ST8SIA6: variants seen among roughly 807,000 people sequenced by gnomAD.
The protein encoded by ST8SIA6 is ST8 alpha-N-acetyl-neuraminide alpha-2,8-sialyltransferase 6, also known as alpha-2,8-sialyltransferase 8F.
ST8SIA6 carries 39 observed loss-of-function variants against 33.6 expected under a neutral mutation model. The observed-to-expected ratio is 1.16, with a 90% CI of 0.90 to 1.52. The LOEUF is 1.52. Ranked by LOEUF, ST8SIA6 falls within the 40% of genes most tolerant of loss-of-function variation. The pLI, the probability that ST8SIA6 is intolerant of heterozygous loss-of-function variation, is 0.00. For missense variants in ST8SIA6, 441 were observed against 443.8 expected (o/e 0.99, Z 0.06); for synonymous variants, 172 against 167.2 (o/e 1.03, Z -0.22).
rs138991804 is a variant in ST8SIA6 at position 17,329,109 on chromosome 10, A to G, written c.523-1983T>C. Among the ~76,000 whole-genome samples, 241 of 152,278 alleles carry G rather than the reference A, an allele frequency of 1.6e-3. 2 individuals are homozygous for G. The highest frequency in any genetic ancestry group is 5.5e-3 in the African/African-American group (229 of 41,548). On this transcript the variant is annotated intron_variant, in intron 5 of 7. Coordinates refer to ENST00000377602, the MANE Select transcript of ST8SIA6 (RefSeq NM_001004470.3). ...TAATGCTGGCTCTGGGAGCTGCCCA[A>G]CTAGCAAAGAAACTCGGTTTCAGTA...
intron 5 of ST8SIA6, among the ~76,000 whole-genome samples, chr10:17,331,108 C>T (rs1453968951): frequency 6.6e-6 from 1 of 152,112 alleles, no homozygotes; most frequent in African/African-American, 2.4e-5. Flanking sequence ...GAAAAATGGC[C>T]GTCTTCACAA....
intron 4 of ST8SIA6, among the ~76,000 whole-genome samples, chr10:17,341,900 CAA>C (rs71393004): frequency 1.6e-3 from 114 of 73,154 alleles, no homozygotes; most frequent in Middle Eastern, 0.01. Flanking sequence ...GGCTCCATCT[CAA>C]AAAAAAAAAA....
Position 17,331,636 on chromosome 10 carries a change from G to A in ST8SIA6, c.378-84C>T. 25 of 1,364,052 alleles carry A rather than the reference G, an allele frequency of 1.8e-5. 1 individual carries two copies. In the South Asian group the frequency reaches 4.5e-4, roughly 24 times the overall value. 84.5% of individuals were successfully genotyped at this position (1,364,052 alleles called of 1,614,324 possible). On this transcript the variant is annotated intron_variant, in intron 4 of 7. Coordinates refer to ENST00000377602, the MANE Select transcript of ST8SIA6 (RefSeq NM_001004470.3). ...AGACCACGATGGACAATGCCGAAGA[G>A]GATTTTGCCAAACTGACTTTCAAAA...
rs1847814578 is a variant in ST8SIA6 at position 17,317,510 on chromosome 10, G to A, written c.*3368C>T. 6.6e-6 allele frequency among the ~76,000 whole-genome samples: 1 copy of A among 152,114 alleles called. No homozygotes were observed. Among genetic ancestry groups the A allele is most frequent in the African/African-American group, 2.4e-5 (1 of 41,442 alleles). ...CTTCAATTTTTAATGGCATAATAATGTGTTTCCATGTCATGTTAGATAAAT... is the reference window on the plus strand; with the variant it reads ...CTTCAATTTTTAATGGCATAATAATATGTTTCCATGTCATGTTAGATAAAT... On this transcript the variant is annotated 3_prime_UTR_variant, in exon 8 of 8. Coordinates refer to ENST00000377602, the MANE Select transcript of ST8SIA6 (RefSeq NM_001004470.3).
At position 17,319,677 on chromosome 10, in the gene ST8SIA6, GA is replaced by G. The variant is rs3217538; in HGVS notation, c.*1200del. On this transcript the variant is annotated 3_prime_UTR_variant, in exon 8 of 8. Transcript: ENST00000377602. ...ATTTTTAAGATAGGATATTATATGG[GA>G]AAAAAAAGTAAGCTCTAAATGTCCT... Among the ~76,000 whole-genome samples, 562 of 151,344 alleles carry G rather than the reference GA, an allele frequency of 3.7e-3. 1 individual carries two copies. The highest frequency in any genetic ancestry group is 0.013 in the African/African-American group (535 of 41,256).
At chr10:17,411,991 C>A (rs1386369416) in intron 2 of ST8SIA6, among the ~76,000 whole-genome samples, 5 of 152,044 alleles carry the variant, frequency 3.3e-5, no homozygotes, top group Non-Finnish European at 7.4e-5. Flanking sequence ...CCATGGCCAG[C>A]CTGTTCAAAT....
intron 2 of ST8SIA6, among the ~76,000 whole-genome samples, chr10:17,435,745 T>C (rs1274081147): frequency 1.3e-5 from 2 of 152,056 alleles, no homozygotes; most frequent in Non-Finnish European, 2.9e-5. Flanking sequence ...ACAAGAAATC[T>C]GAATATTAAT....
chr10:17,409,279 T>C (rs1851369233), intron 2 of ST8SIA6: 1 of 152,684 alleles, frequency 6.5e-6, no homozygotes, highest in East Asian at 1.9e-4. Context: ...TGCAAGTCTA[T>C]AGCTCAACTT....
chr10:17,370,276 C>A (rs1374712164), intron 3 of ST8SIA6, among the ~76,000 whole-genome samples: 3 of 152,212 alleles, frequency 2.0e-5, no homozygotes, highest in Non-Finnish European at 2.9e-5. Flanking sequence ...AGCCACCACG[C>A]CCTGCCTGAC....
chr10:17,411,114 T>C (rs1455517438), intron 2 of ST8SIA6, among the ~76,000 whole-genome samples: 1 of 152,076 alleles, frequency 6.6e-6, no homozygotes, highest in Non-Finnish European at 1.5e-5. Context: ...ATGCAATCAA[T>C]CACATGTCAT....
chr10:17,437,529 C>T (rs1419511244), intron 2 of ST8SIA6, among the ~76,000 whole-genome samples: 2 of 151,974 alleles, frequency 1.3e-5, no homozygotes, highest in South Asian at 2.1e-4. Flanking sequence ...GGGTCTGAAG[C>T]AGACTCACCT....
intron 4 of ST8SIA6, among the ~76,000 whole-genome samples, chr10:17,355,583 T>G (rs1849165754): frequency 6.6e-6 from 1 of 152,212 alleles, no homozygotes; most frequent in Non-Finnish European, 1.5e-5. Flanking sequence ...TAGTTACTTG[T>G]CTACAACCAG....
chr10:17,440,288 C>T lies in ST8SIA6; in HGVS notation c.200+13271G>A, dbSNP rs181843866. ...GTGGCATGATCTCAGCTCACTGCAACTCCGCCTCCCGGGCTCAAGCAATTC... is the reference window on the plus strand; with the variant it reads ...GTGGCATGATCTCAGCTCACTGCAATTCCGCCTCCCGGGCTCAAGCAATTC... On this transcript the variant is annotated intron_variant, in intron 2 of 7. Coordinates refer to ENST00000377602, the MANE Select transcript of ST8SIA6 (RefSeq NM_001004470.3). 2.3e-3 allele frequency among the ~76,000 whole-genome samples: 353 copies of T among 150,340 alleles called. 1 individual carries two copies. The highest frequency in any genetic ancestry group is 6.9e-3 in the Middle Eastern group (2 of 290).
At chr10:17,433,642 T>C (rs945813574) in intron 2 of ST8SIA6, among the ~76,000 whole-genome samples, 1 of 152,140 alleles carries the variant, frequency 6.6e-6, no homozygotes, top group African/African-American at 2.4e-5. Flanking sequence ...GACTCAGGGA[T>C]GCAGCCCTCT....
At chr10:17,401,992 G>C (rs1851059253) in intron 2 of ST8SIA6, among the ~76,000 whole-genome samples, 1 of 152,146 alleles carries the variant, frequency 6.6e-6, no homozygotes, top group African/African-American at 2.4e-5. Context: ...AGAGTGAAGA[G>C]GCAACCTACA....
At chr10:17,347,433 A>T (rs1287124100) in intron 4 of ST8SIA6, among the ~76,000 whole-genome samples, 1 of 151,956 alleles carries the variant, frequency 6.6e-6, no homozygotes, top group African/African-American at 2.4e-5. Context: ...CGTAAACGAG[A>T]GGGGAGAGGG....
Position 17,390,636 on chromosome 10 carries a change from GATT to G in ST8SIA6, c.201-19_201-17del, listed in dbSNP as rs1850559811. ...CAGATATGTGCTGTTTCATGAAAGA[GATT>G]TTTAAAAAGATTGATTTAAAATGAG... On this transcript the variant is annotated splice_polypyrimidine_tract_variant and intron_variant, in intron 2 of 7. Coordinates refer to ENST00000377602, the MANE Select transcript of ST8SIA6 (RefSeq NM_001004470.3). 1 of 1,592,280 alleles carries G rather than the reference GATT, an allele frequency of 6.3e-7. No homozygotes were observed. Among genetic ancestry groups the G allele is most frequent in the African/African-American group, 1.4e-5 (1 of 73,846 alleles).
At chr10:17,392,449 C>G (rs1427362335) in intron 2 of ST8SIA6, among the ~76,000 whole-genome samples, 3 of 152,090 alleles carry the variant, frequency 2.0e-5, no homozygotes, top group African/African-American at 7.2e-5. Flanking sequence ...ATCACTTGAG[C>G]CCAGGAGTCC....
At chr10:17,333,106 A>G (rs1848353778) in intron 4 of ST8SIA6, among the ~76,000 whole-genome samples, 1 of 152,174 alleles carries the variant, frequency 6.6e-6, no homozygotes, top group Non-Finnish European at 1.5e-5. Flanking sequence ...ACAACAGACA[A>G]GCAGAGAGCC....
Sources: allele counts gnomAD v4.1 joint callset (sites outside exome capture counted in the v4.1 genomes callset), GRCh38; gene constraint gnomAD v4.1.1; transcripts MANE v1.5; gene names NCBI Gene and HGNC (gene_info 2026-07-23, HGNC 2026-07-21).